The following COPS3 variants were observed in gnomAD, a reference collection of about 807,000 sequenced individuals.
COPS3 encodes the protein COP9 signalosome complex subunit 3.
COPS3 carries 10 observed loss-of-function variants against 58.2 expected under a neutral mutation model. The observed-to-expected ratio is 0.17, with a 90% confidence interval of 0.11 to 0.29. The LOEUF is 0.29. Among genes scored for constraint, COPS3 ranks in the 10% least tolerant of loss-of-function variants. COPS3 has a pLI of 1.00. For synonymous variants in COPS3, 187 were observed against 181.7 expected (o/e 1.03, Z -0.24); for missense variants, 333 against 510.1 (o/e 0.65, Z 3.34).
At chr17:17,280,545 A>G (rs964515277) in intron 1 of COPS3, 22 of 1,259,374 alleles carry the variant, frequency 1.7e-5, no homozygotes, top group Non-Finnish European at 2.3e-5. Context: ...CGGCTAAAAA[A>G]AAACAAAGAA....
chr17:17,276,056 G>C lies in COPS3; in HGVS notation c.164C>G (p.Ser55Cys), dbSNP rs1432037771. Reference sequence around the variant, plus strand: ...TTACAAAACAGCAAGGACGCCCAAGGAGTGTTCTTGTACATCCAGAGCCCC... The same window carrying C: ...TTACAAAACAGCAAGGACGCCCAAGCAGTGTTCTTGTACATCCAGAGCCCC... Reference protein sequence around the residue: ...VLGALDVQEHSLGVLAVLFVK... With the variant: ...VLGALDVQEHCLGVLAVLFVK... Residue 55 changes from serine (S) to cysteine (C), a missense_variant, in exon 2 of 12, where the codon TCC (serine) becomes TGC (cysteine). By Grantham distance (112) the Ser-to-Cys change is moderately radical. Coordinates refer to ENST00000268717, the MANE Select transcript of COPS3 (RefSeq NM_003653.4). The C allele has an allele frequency of 6.2e-7, 1 of 1,613,858 alleles. No individual in the cohort carries two copies. The highest frequency in any genetic ancestry group is 8.5e-7 in the Non-Finnish European group (1 of 1,179,918).
chr17:17,271,834 A>C (rs981234796), intron 2 of COPS3, among the ~76,000 whole-genome samples: 6 of 79,060 alleles, frequency 7.6e-5, no homozygotes, highest in Non-Finnish European at 1.1e-4. Flanking sequence ...AAAAATCTAT[A>C]TATATCTATA....
intron 2 of COPS3, among the ~76,000 whole-genome samples, chr17:17,272,616 TGAAA>T: frequency 6.6e-6 from 1 of 152,052 alleles, no homozygotes; most frequent in East Asian, 1.9e-4. Context: ...ATACATTGAA[TGAAA>T]ATATTGGCTG....
intron 5 of COPS3, among the ~76,000 whole-genome samples, chr17:17,267,494 T>C (rs2048252485): frequency 6.7e-6 from 1 of 149,248 alleles, no homozygotes; most frequent in Non-Finnish European, 1.5e-5. Context: ...AAAAATTAGC[T>C]AGGCTTGGTG....
intron 8 of COPS3, among the ~76,000 whole-genome samples, chr17:17,258,440 A>G (rs1250707678): frequency 6.6e-6 from 1 of 152,208 alleles, no homozygotes; most frequent in Non-Finnish European, 1.5e-5. Context: ...CTGGGATTAC[A>G]GGTATGTGCC....
At position 17,267,931 on chromosome 17, in the gene COPS3, T is replaced by C; in HGVS notation, c.395A>G (p.Gln132Arg). 1.2e-6 allele frequency: 2 copies of C among 1,614,124 alleles called. No homozygotes were observed. Among genetic ancestry groups the C allele is most frequent in the Non-Finnish European group, 1.7e-6 (2 of 1,179,994 alleles). ...GILKQAIDKM[Q>R]MNTNQLTSIH... ...TGAGGTCAGCTGGTTTGTATTCATC[T>C]GCATCTTGTCTATGGCTTGCTTAAG... is the stretch of plus-strand genomic sequence containing the variant. Residue 132 changes from glutamine (Q) to arginine (R), a missense_variant, in exon 5 of 12, where the codon CAG becomes CGG. By Grantham distance (43) the Gln-to-Arg change is conservative. Coordinates refer to ENST00000268717, the MANE Select transcript of COPS3 (RefSeq NM_003653.4).
intron 2 of COPS3, among the ~76,000 whole-genome samples, chr17:17,273,963 G>A (rs1439741971): frequency 6.6e-6 from 1 of 152,218 alleles, no homozygotes; most frequent in Non-Finnish European, 1.5e-5. Context: ...GCTACAGTGA[G>A]CTATGCTTGC....
At chr17:17,271,234 A>C (rs2048334040) in intron 2 of COPS3, among the ~76,000 whole-genome samples, 1 of 152,084 alleles carries the variant, frequency 6.6e-6, no homozygotes, top group Admixed American at 6.6e-5. Flanking sequence ...GTTTGAGACC[A>C]GTCTGAGCAA....
chr17:17,252,682 C>T (rs186330106), intron 9 of COPS3, among the ~76,000 whole-genome samples: 8 of 152,358 alleles, frequency 5.3e-5, no homozygotes, highest in East Asian at 3.9e-4. Context: ...GACCCCGCAA[C>T]GCGTTGCTAG....
At chr17:17,251,019 G>C (rs1766700998) in intron 9 of COPS3, among the ~76,000 whole-genome samples, 2 of 152,138 alleles carry the variant, frequency 1.3e-5, no homozygotes, top group South Asian at 2.1e-4. Context: ...TTTGAGACAA[G>C]AGTCTTGCAC....
chr17:17,260,467 C>A lies in COPS3; in HGVS notation c.770G>T (p.Ser257Ile). 1 of 1,613,942 alleles carries A rather than the reference C, an allele frequency of 6.2e-7. No homozygotes were observed. Among genetic ancestry groups the A allele is most frequent in the Non-Finnish European group, 8.5e-7 (1 of 1,179,928 alleles). Residue 257 changes from serine (S) to isoleucine (I), a missense_variant, in exon 8 of 12, where the codon AGC (serine) becomes ATC (isoleucine). Transcript: ENST00000268717. ...TTGTGCTAACTCGTGGTATGCATTG[C>A]TAAGAGGCTAAAGATGCAAAGGAGG... is the stretch of plus-strand genomic sequence containing the variant. The part of the protein sequence containing the change: ...QIVGRFIKPL[S>I]NAYHELAQVY...
intron 9 of COPS3, 32 bp downstream of exon 9, chr17:17,254,827 A>AAAAAAAAAAG: frequency 7.0e-7 from 1 of 1,424,522 alleles, no homozygotes; most frequent in Non-Finnish European, 9.6e-7. Flanking sequence ...AAAAAAAAAA[A>AAAAAAAAAAG]AAAAAGAAAA....
intron 1 of COPS3, among the ~76,000 whole-genome samples, chr17:17,279,644 GGTT>G (rs2145270631): frequency 6.6e-6 from 1 of 152,228 alleles, no homozygotes; most frequent in South Asian, 2.1e-4. Context: ...AGAGATTAAA[GGTT>G]ATTTGTCCAA....
chr17:17,249,522 C>T (rs760000716), intron 9 of COPS3, among the ~76,000 whole-genome samples: 8 of 151,422 alleles, frequency 5.3e-5, no homozygotes, highest in African/African-American at 1.9e-4. Flanking sequence ...GATGGCGTTT[C>T]GCTCTTGTTG....
chr17:17,264,746 C>A, intron 6 of COPS3, 56 bp downstream of exon 6: 2 of 1,487,674 alleles, frequency 1.3e-6, no homozygotes, highest in Admixed American at 2.1e-5. Flanking sequence ...CCTATGGGAG[C>A]ACTTTTTTGA....
chr17:17,267,327 CA>C lies in COPS3; in HGVS notation c.441+557del, dbSNP rs778325363. On this transcript the variant is annotated intron_variant, in intron 5 of 11. Coordinates refer to ENST00000268717, the MANE Select transcript of COPS3 (RefSeq NM_003653.4). ...TGGGCGACAGAGCAAGACTCCGTCT[CA>C]AAAAAAAAAAAAAAAAAAAGTTACA... 8.5e-3 allele frequency among the ~76,000 whole-genome samples: 427 copies of C among 50,370 alleles called. 2 individuals carry two copies. The highest frequency in any genetic ancestry group is 0.052 in the East Asian group (103 of 1,976). The allele number at this position is 50,370 out of a possible 152,430, so 33.0% of individuals were successfully genotyped here.
At chr17:17,281,005 C>T (rs965611169) in intron 1 of COPS3, 127 bp downstream of exon 1, 3 of 1,162,820 alleles carry the variant, frequency 2.6e-6, no homozygotes, top group Non-Finnish European at 3.6e-6. Flanking sequence ...CGCCGCAACC[C>T]CAAGCCCGGC....
chr17:17,273,614 G>A (rs576713573), intron 2 of COPS3, among the ~76,000 whole-genome samples: 19 of 152,212 alleles, frequency 1.2e-4, no homozygotes, highest in African/African-American at 4.3e-4. Flanking sequence ...ACTTTGGGAG[G>A]CTGAGATGGG....
chr17:17,261,759 C>G (rs2048106495), intron 7 of COPS3: 1 of 500,214 alleles, frequency 2.0e-6, no homozygotes, highest in African/African-American at 2.0e-5. Flanking sequence ...GTATCTAGAG[C>G]ACAAGTTTGA....
Sources: gnomAD v4.1 joint callset for allele counts (sites outside exome capture counted in the v4.1 genomes callset) on GRCh38, gnomAD v4.1.1 for gene constraint, MANE v1.5 for transcripts, NCBI Gene and HGNC (gene_info 2026-07-23, HGNC 2026-07-21) for gene names.